The following DAPK2 variants were observed in gnomAD, a reference collection of about 807,000 sequenced individuals.
DAPK2 encodes the protein death associated protein kinase 2, also known as death-associated protein kinase 2.
A neutral mutation model predicts 44.1 loss-of-function variants in DAPK2; 35 were observed. The observed-to-expected ratio is 0.79, with a 90% confidence interval of 0.61 to 1.05. The LOEUF (loss-of-function observed/expected upper bound fraction) is 1.05, where lower values mean the gene tolerates loss of function less well. Among genes scored for constraint, DAPK2 ranks in the 50% least tolerant of loss-of-function variants. DAPK2 has a pLI of 0.00. For synonymous variants in DAPK2, 174 were observed against 182.6 expected (o/e 0.95, Z 0.38); for missense variants, 453 against 483.2 (o/e 0.94, Z 0.59).
intron 1 of DAPK2, among the ~76,000 whole-genome samples, chr15:64,022,367 T>C (rs535865138): frequency 2.0e-5 from 3 of 152,248 alleles, no homozygotes; most frequent in Non-Finnish European, 4.4e-5. Context: ...GACTTTTTTC[T>C]GAGAAGAGCT....
At chr15:63,989,463 G>T (rs547034926) in intron 1 of DAPK2, among the ~76,000 whole-genome samples, 3 of 152,188 alleles carry the variant, frequency 2.0e-5, no homozygotes, top group Admixed American at 2.0e-4. Flanking sequence ...CTAGGACACA[G>T]ATCCACGTCA....
At chr15:63,932,886 T>C (rs1164017487) in intron 4 of DAPK2, among the ~76,000 whole-genome samples, 2 of 152,262 alleles carry the variant, frequency 1.3e-5, no homozygotes, top group African/African-American at 2.4e-5. Context: ...TGTTCACTGA[T>C]TGTTCATCCA....
At chr15:63,988,556 G>A (rs563330015) in intron 1 of DAPK2, among the ~76,000 whole-genome samples, 1 of 150,496 alleles carries the variant, frequency 6.6e-6, no homozygotes, top group Non-Finnish European at 1.5e-5. Flanking sequence ...CCAGGATGGA[G>A]TACGGTGGCG....
At chr15:63,970,348 G>A (rs2078177537) in intron 3 of DAPK2, among the ~76,000 whole-genome samples, 1 of 152,126 alleles carries the variant, frequency 6.6e-6, no homozygotes, top group South Asian at 2.1e-4. Context: ...CATGTATTCT[G>A]CTGGCCTTTC....
intron 1 of DAPK2, among the ~76,000 whole-genome samples, chr15:64,023,227 C>T (rs566182532): frequency 6.6e-6 from 1 of 152,356 alleles, no homozygotes; most frequent in African/African-American, 2.4e-5. Flanking sequence ...TCGCCCAACC[C>T]TGCCTGCAGT....
chr15:64,027,505 T>C (rs2079883213), intron 1 of DAPK2, among the ~76,000 whole-genome samples: 1 of 152,088 alleles, frequency 6.6e-6, no homozygotes, highest in African/African-American at 2.4e-5. Flanking sequence ...GAAGCTGCAC[T>C]GAGCCATGAT....
intron 7 of DAPK2, among the ~76,000 whole-genome samples, chr15:63,925,696 A>T (rs1189943903): frequency 1.3e-5 from 2 of 151,766 alleles, no homozygotes; most frequent in Non-Finnish European, 2.9e-5. Flanking sequence ...ACACACACAC[A>T]CACACACACA....
chr15:64,010,725 A>G (rs1422247209), intron 1 of DAPK2, among the ~76,000 whole-genome samples: 1 of 152,172 alleles, frequency 6.6e-6, no homozygotes, highest in Non-Finnish European at 1.5e-5. Context: ...GTCTGCTACC[A>G]GCTTGGGTTT....
chr15:63,963,527 T>G (rs1359348490), intron 3 of DAPK2, among the ~76,000 whole-genome samples: 1 of 152,226 alleles, frequency 6.6e-6, no homozygotes, highest in Non-Finnish European at 1.5e-5. Flanking sequence ...GATTGGAGAA[T>G]TTAGTCCATT....
intron 3 of DAPK2, among the ~76,000 whole-genome samples, chr15:63,940,882 A>G (rs1018085806): frequency 2.6e-5 from 4 of 152,332 alleles, no homozygotes; most frequent in Non-Finnish European, 2.9e-5. Flanking sequence ...AGGCAAATCC[A>G]CAGAGACAGA....
At chr15:63,997,490 C>G (rs1211643881) in intron 1 of DAPK2, among the ~76,000 whole-genome samples, 1 of 152,158 alleles carries the variant, frequency 6.6e-6, no homozygotes, top group African/African-American at 2.4e-5. Flanking sequence ...GCCACCATGC[C>G]TAACTAATTT....
chr15:63,970,648 A>G (rs912271330), intron 3 of DAPK2, among the ~76,000 whole-genome samples: 2 of 152,230 alleles, frequency 1.3e-5, no homozygotes, highest in African/African-American at 4.8e-5. Flanking sequence ...TTGAAAGACC[A>G]CAGGGATTTC....
chr15:63,915,276 T>C (rs73450771), intron 8 of DAPK2, among the ~76,000 whole-genome samples: 99 of 152,346 alleles, frequency 6.5e-4, no homozygotes, highest in African/African-American at 2.3e-3. Flanking sequence ...TTGTTTTTTG[T>C]TAGTCCTCTC....
At position 63,908,267 on chromosome 15, in the gene DAPK2, G is replaced by A. The variant is rs2078698985; in HGVS notation, c.*253C>T. 2 of 349,334 alleles carry A rather than the reference G, an allele frequency of 5.7e-6. No homozygotes were observed. Among genetic ancestry groups the A allele is most frequent in the Non-Finnish European group, 1.0e-5 (2 of 194,702 alleles). 21.6% of individuals were successfully genotyped at this position (349,334 alleles called of 1,614,324 possible). ...CACTCCCACCCCAGACTCTGAGGAT[G>A]GCAGACAGAGGAAAGCCCATTTTAT... On this transcript the variant is annotated 3_prime_UTR_variant, in exon 11 of 11. Transcript: ENST00000261891. This position sits in a 1 kb window ranked among gnomAD's most constrained non-coding sequence, Gnocchi z 5.7.
chr15:63,908,472 G>A lies in DAPK2; in HGVS notation c.*48C>T, dbSNP rs768983961. ...GGTCCAAAAGTCTGCACAGAAGGGA[G>A]CCCCGCTGGGCCCAGACCTCCCTGG... On this transcript the variant is annotated 3_prime_UTR_variant, in exon 11 of 11. Coordinates refer to ENST00000261891, the Ensembl canonical transcript of DAPK2. This position sits in a 1 kb window ranked among gnomAD's most constrained non-coding sequence, Gnocchi z 5.7. 3.0e-6 allele frequency: 4 copies of A among 1,350,852 alleles called. No individual in the cohort carries two copies. The highest frequency in any genetic ancestry group is 3.0e-6 in the Non-Finnish European group (3 of 987,910). The allele number at this position is 1,350,852 out of a possible 1,614,324, so 83.7% of individuals were successfully genotyped here.
rs1478632497 is a variant in DAPK2 at position 63,912,035 on chromosome 15, T to C, written c.949-44A>G. On this transcript the variant is annotated intron_variant, in intron 9 of 10. Transcript: ENST00000261891. The surrounding 1 kb of genome is among the most constrained non-coding windows in gnomAD (Gnocchi z 4.4). ...AGGAATCCCCAGGTGAGAATGTGCATGGAGACCCTGGAGAGCCAGAAACCC... is the reference window on the plus strand; with the variant it reads ...AGGAATCCCCAGGTGAGAATGTGCACGGAGACCCTGGAGAGCCAGAAACCC... The C allele has an allele frequency of 6.2e-6, 10 of 1,600,048 alleles. No homozygotes were observed. The highest frequency in any genetic ancestry group is 1.7e-4 in the Middle Eastern group (1 of 6,056).
At chr15:63,986,365 C>T (rs1416383863) in intron 1 of DAPK2, among the ~76,000 whole-genome samples, 1 of 152,224 alleles carries the variant, frequency 6.6e-6, no homozygotes, top group African/African-American at 2.4e-5. Context: ...GAGCAAGAGA[C>T]ATCCAGAGAC....
chr15:63,924,031 C>G (rs894615583), intron 8 of DAPK2, among the ~76,000 whole-genome samples: 1 of 152,136 alleles, frequency 6.6e-6, no homozygotes, highest in Admixed American at 6.5e-5. Context: ...TCATTTCATC[C>G]TTGCTGGCCT....
intron 1 of DAPK2, among the ~76,000 whole-genome samples, chr15:64,012,665 T>C (rs2079418364): frequency 6.6e-6 from 1 of 152,242 alleles, no homozygotes; most frequent in African/African-American, 2.4e-5. Flanking sequence ...TCTGTGTATA[T>C]AGTCTGTTCT....
Sources: allele counts gnomAD v4.1 joint callset (sites outside exome capture counted in the v4.1 genomes callset), GRCh38; gene constraint gnomAD v4.1.1; non-coding constraint Gnocchi (gnomAD v3.1); transcripts MANE v1.5; gene names NCBI Gene and HGNC (gene_info 2026-07-23, HGNC 2026-07-21).